Variants in FYB2 observed in about 807,000 individuals in gnomAD.
FYB2 encodes the protein FYN binding protein 2.
In FYB2, 103 loss-of-function variants were observed where a neutral mutation model predicts 94.1. The ratio of observed to expected loss-of-function variants is 1.09; its 90% confidence interval spans 0.93 to 1.29. The LOEUF (loss-of-function observed/expected upper bound fraction) is 1.29, where lower values mean the gene tolerates loss of function less well. Among genes scored for constraint, FYB2 ranks in the 50% most tolerant of loss-of-function variants. The pLI, the probability that FYB2 is intolerant of heterozygous loss-of-function variation, is 0.00. For synonymous variants in FYB2, 293 were observed against 287.9 expected (o/e 1.02, Z -0.18); for missense variants, 896 against 841.5 (o/e 1.06, Z -0.80).
At chr1:56,793,736 T>C (rs1388177137) in intron 1 of FYB2, among the ~76,000 whole-genome samples, 2 of 53,872 alleles carry the variant, frequency 3.7e-5, no homozygotes, top group African/African-American at 1.5e-4. Flanking sequence ...AAAACGAAAG[T>C]TGAAAAAAAA....
intron 15 of FYB2, among the ~76,000 whole-genome samples, chr1:56,733,628 T>C (rs1334438054): frequency 6.6e-6 from 1 of 152,222 alleles, no homozygotes; most frequent in Non-Finnish European, 1.5e-5. Context: ...TTCTGGTACG[T>C]TGTGTCTTTG....
intron 1 of FYB2, among the ~76,000 whole-genome samples, chr1:56,804,839 A>G (rs1200618586): frequency 6.6e-6 from 1 of 152,196 alleles, no homozygotes; most frequent in Non-Finnish European, 1.5e-5. Flanking sequence ...TTGGTAAATC[A>G]TACATTCCTT....
chr1:56,755,243 G>A (rs1310163257), intron 7 of FYB2, among the ~76,000 whole-genome samples: 1 of 152,066 alleles, frequency 6.6e-6, no homozygotes, highest in Non-Finnish European at 1.5e-5. Context: ...GGAGCTCCCA[G>A]ACAGGAAGGG....
intron 1 of FYB2, among the ~76,000 whole-genome samples, chr1:56,807,357 C>T (rs1301392244): frequency 6.6e-6 from 1 of 152,160 alleles, no homozygotes; most frequent in Non-Finnish European, 1.5e-5. Context: ...AGAGTCCCAG[C>T]TGCATGAAGA....
chr1:56,814,386 G>T (rs535978315), intron 1 of FYB2, among the ~76,000 whole-genome samples: 1 of 152,270 alleles, frequency 6.6e-6, no homozygotes. Context: ...GGGAAATGTG[G>T]GTGTGTGGTT....
intron 1 of FYB2, among the ~76,000 whole-genome samples, chr1:56,813,611 A>G (rs1222739086): frequency 1.3e-5 from 2 of 152,292 alleles, no homozygotes; most frequent in Middle Eastern, 3.4e-3. Context: ...AAATAAGGTC[A>G]CATTCTGAGG....
intron 1 of FYB2, among the ~76,000 whole-genome samples, chr1:56,799,061 C>T (rs1300848396): frequency 6.6e-6 from 1 of 152,122 alleles, no homozygotes; most frequent in African/African-American, 2.4e-5. Flanking sequence ...CTATCCTCAT[C>T]ATCCTTAACA....
chr1:56,820,456 G>A (rs113391941), upstream of FYB2, among the ~76,000 whole-genome samples: 7 of 152,340 alleles, frequency 4.6e-5, no homozygotes, highest in African/African-American at 1.2e-4. Context: ...TCCCGGGGTT[G>A]GGGATGGGCA....
the FYB2 span, among the ~76,000 whole-genome samples, chr1:56,826,168 G>T: frequency 2.0e-5 from 3 of 152,206 alleles, no homozygotes; most frequent in African/African-American, 7.2e-5. Flanking sequence ...TTCAATCAAT[G>T]TGGTTCCCTC....
intron 4 of FYB2, 49 bp from the exon 5 acceptor site, chr1:56,767,987 T>C (rs1325006272): frequency 7.2e-7 from 1 of 1,395,962 alleles, no homozygotes; most frequent in Non-Finnish European, 9.9e-7. Context: ...AAAACATATT[T>C]TGAAAGCTTT....
intron 12 of FYB2, among the ~76,000 whole-genome samples, chr1:56,741,471 A>G (rs1206578994): frequency 2.0e-5 from 3 of 152,078 alleles, no homozygotes; most frequent in Non-Finnish European, 4.4e-5. Flanking sequence ...TTGATTACCC[A>G]GCTGATGATT....
chr1:56,767,222 A>G (rs1189484616), intron 5 of FYB2, among the ~76,000 whole-genome samples: 3 of 152,210 alleles, frequency 2.0e-5, no homozygotes, highest in Non-Finnish European at 4.4e-5. Flanking sequence ...GAACAAGGAC[A>G]TTGTACCTTG....
chr1:56,819,154 G>T, intron 1 of FYB2, 128 bp downstream of exon 1: 3 of 994,558 alleles, frequency 3.0e-6, no homozygotes, highest in South Asian at 1.3e-5. Context: ...GCTGACACCT[G>T]ACATGTTTAT....
At chr1:56,780,520 C>T (rs868341231) in intron 4 of FYB2, among the ~76,000 whole-genome samples, 1 of 152,162 alleles carries the variant, frequency 6.6e-6, no homozygotes, top group African/African-American at 2.4e-5. Flanking sequence ...TCCAGGCTGA[C>T]CAGGTCAAGC....
chr1:56,741,461 T>C (rs973727478), intron 12 of FYB2, among the ~76,000 whole-genome samples: 9 of 152,100 alleles, frequency 5.9e-5, no homozygotes, highest in Non-Finnish European at 1.3e-4. Context: ...TGATGGTACA[T>C]TGATTACCCA....
intron 1 of FYB2, among the ~76,000 whole-genome samples, chr1:56,818,571 A>G (rs1255362757): frequency 6.6e-6 from 1 of 152,086 alleles, no homozygotes; most frequent in Non-Finnish European, 1.5e-5. Context: ...TTGGAGAAGG[A>G]AAAAGGAAGA....
At chr1:56,773,971 A>G (rs943728583) in intron 4 of FYB2, among the ~76,000 whole-genome samples, 1 of 152,134 alleles carries the variant, frequency 6.6e-6, no homozygotes, top group Non-Finnish European at 1.5e-5. Flanking sequence ...TACCCTACTC[A>G]TAGCCCTTCA....
intron 1 of FYB2, among the ~76,000 whole-genome samples, chr1:56,804,356 C>A (rs930792148): frequency 2.0e-5 from 3 of 152,142 alleles, no homozygotes; most frequent in African/African-American, 7.2e-5. Flanking sequence ...GGAGTAATAA[C>A]CTCCTGAGGG....
chr1:56,753,455 T>C (rs1645248839), intron 8 of FYB2, among the ~76,000 whole-genome samples: 1 of 152,100 alleles, frequency 6.6e-6, no homozygotes, highest in African/African-American at 2.4e-5. Context: ...CATTTATAGA[T>C]GAGGTAACTG....
Sources: gnomAD v4.1 joint callset for allele counts (sites outside exome capture counted in the v4.1 genomes callset) on GRCh38, gnomAD v4.1.1 for gene constraint, MANE v1.5 for transcripts, NCBI Gene and HGNC (gene_info 2026-07-23, HGNC 2026-07-21) for gene names.